TSEN2: variants seen among roughly 807,000 people sequenced by gnomAD.
TSEN2 encodes the protein tRNA-splicing endonuclease subunit Sen2.
A neutral mutation model predicts 59.2 loss-of-function variants in TSEN2; 54 were observed. The ratio of observed to expected loss-of-function variants is 0.91; its 90% CI spans 0.73 to 1.14. TSEN2 has a LOEUF of 1.14. TSEN2 is among the 50% of genes most tolerant of loss of function. The probability of loss-of-function intolerance (pLI) is 0.00; values close to 1 mark genes in which losing one functional copy is unlikely to be tolerated. For missense variants in TSEN2, 636 were observed against 576.2 expected (o/e 1.10, Z -1.06); for synonymous variants, 195 against 198.2 (o/e 0.98, Z 0.14).
chr3:12,508,377 GCACAC>G (rs1324777224), intron 6 of TSEN2, among the ~76,000 whole-genome samples: 1 of 152,204 alleles, frequency 6.6e-6, no homozygotes, highest in Non-Finnish European at 1.5e-5. Flanking sequence ...TTTTCAGGGA[GCACAC>G]CGTTAAACCT....
At chr3:12,492,324 C>T in intron 3 of TSEN2, 107 bp downstream of exon 3, 1 of 958,088 alleles carries the variant, frequency 1.0e-6, no homozygotes, top group Non-Finnish European at 1.6e-6. Context: ...GTAACATGTA[C>T]ACTGGCAGTT....
chr3:12,503,902 C>A, intron 5 of TSEN2, 118 bp downstream of exon 5: 3 of 1,370,056 alleles, frequency 2.2e-6, no homozygotes, highest in South Asian at 1.3e-5. Context: ...CCAAGGGAAG[C>A]AGCAGGCTTT....
chr3:12,522,010 AAAT>A lies in TSEN2; in HGVS notation c.1099+2822_1099+2824del, dbSNP rs925647974. ...GGCAACAGAGTGAGACTGTCTCAAA[AAAT>A]AATAATAAAAAATAAAAATAAAAAA... On this transcript the variant is annotated intron_variant, in intron 8 of 11. Transcript: ENST00000284995. Among the ~76,000 whole-genome samples, 6 of 132,854 alleles carry A rather than the reference AAAT, an allele frequency of 4.5e-5. 1 individual carries two copies. The highest frequency in any genetic ancestry group is 1.5e-4 in the Admixed American group (2 of 13,558). The allele number at this position is 132,854 out of a possible 152,430, so 87.2% of individuals were successfully genotyped here.
At chr3:12,528,961 G>A (rs1230340315) in intron 9 of TSEN2, 37 bp downstream of exon 9, 1 of 1,611,478 alleles carries the variant, frequency 6.2e-7, no homozygotes, top group Non-Finnish European at 8.5e-7. Flanking sequence ...ATGGGTTAAA[G>A]GGACACAAGG....
chr3:12,522,351 A>G (rs1052367252), intron 8 of TSEN2, among the ~76,000 whole-genome samples: 10 of 151,972 alleles, frequency 6.6e-5, no homozygotes, highest in African/African-American at 1.2e-4. Context: ...GGGACATATC[A>G]TCTAGAAACA....
chr3:12,516,947 T>C (rs1347604483), intron 7 of TSEN2, among the ~76,000 whole-genome samples: 1 of 152,134 alleles, frequency 6.6e-6, no homozygotes, highest in Non-Finnish European at 1.5e-5. Flanking sequence ...GTATTAAAAA[T>C]TAACAAAAAT....
intron 4 of TSEN2, among the ~76,000 whole-genome samples, chr3:12,502,641 T>C (rs1013655362): frequency 1.8e-4 from 28 of 151,724 alleles, no homozygotes; most frequent in African/African-American, 6.0e-4. Context: ...TTAGATAAAT[T>C]TTCATAGTTT....
At chr3:12,496,625 C>T in intron 4 of TSEN2, 71 bp downstream of exon 4, 2 of 1,506,068 alleles carry the variant, frequency 1.3e-6, no homozygotes, top group Non-Finnish European at 1.8e-6. Context: ...TAGTCTTGTC[C>T]CATGTAGCAG....
chr3:12,531,501 C>T, intron 10 of TSEN2, 69 bp from the exon 11 acceptor site: 1 of 1,020,512 alleles, frequency 9.8e-7, no homozygotes, highest in Non-Finnish European at 1.5e-6. Flanking sequence ...ACCTGCATTT[C>T]CTGCTGATGC....
chr3:12,531,324 CT>C (rs2057445221), intron 10 of TSEN2: 1 of 486,750 alleles, frequency 2.1e-6, no homozygotes, highest in Non-Finnish European at 3.7e-6. Context: ...ATTCTTAATG[CT>C]GTGTTTATAA....
chr3:12,525,664 C>A (rs890750150), intron 8 of TSEN2, among the ~76,000 whole-genome samples: 14 of 152,170 alleles, frequency 9.2e-5, no homozygotes, highest in African/African-American at 3.4e-4. Context: ...TAAAATGATC[C>A]TCCCGCGTCA....
chr3:12,534,368 G>A (rs1386810100), downstream of TSEN2, among the ~76,000 whole-genome samples: 2 of 152,220 alleles, frequency 1.3e-5, no homozygotes, highest in Non-Finnish European at 2.9e-5. Flanking sequence ...AAACTGAGTA[G>A]TGAAATGAAC....
intron 4 of TSEN2, among the ~76,000 whole-genome samples, chr3:12,500,195 G>C (rs1202308727): frequency 1.3e-5 from 2 of 152,196 alleles, no homozygotes; most frequent in African/African-American, 2.4e-5. Context: ...AACTGCTCCA[G>C]CATCTGGGAT....
chr3:12,485,383 G>A (rs1015177706), intron 1 of TSEN2, among the ~76,000 whole-genome samples: 1 of 135,748 alleles, frequency 7.4e-6, no homozygotes, highest in Non-Finnish European at 1.6e-5. Context: ...TAGAAAGTAA[G>A]AATATGCAGC....
Position 12,503,385 on chromosome 3 carries a change from T to G in TSEN2, c.432T>G (p.Asn144Lys), listed in dbSNP as rs1184807877. The G allele has an allele frequency of 6.2e-7, 1 of 1,614,198 alleles. No individual in the cohort carries two copies. Among genetic ancestry groups the G allele is most frequent in the East Asian group, 2.2e-5 (1 of 44,884 alleles). Residue 144 changes from asparagine (N) to lysine (K), a missense_variant, in exon 5 of 12, where the codon AAT (asparagine) becomes AAG (lysine). Asn to Lys is a moderately conservative substitution (Grantham distance 94). Coordinates refer to ENST00000284995, the MANE Select transcript of TSEN2 (RefSeq NM_025265.4). Reference sequence around the variant, plus strand: ...TTGAGCATCCTCCTGTGAAAAGGAATGAAGAGGCTCAAGTGCATGACAAGC... The same window carrying G: ...TTGAGCATCCTCCTGTGAAAAGGAAGGAAGAGGCTCAAGTGCATGACAAGC... ...KPLEHPPVKR[N>K]EEAQVHDKLN... is the part of the protein sequence containing the mutation.
At chr3:12,517,069 C>T (rs1031354749) in intron 7 of TSEN2, among the ~76,000 whole-genome samples, 5 of 152,132 alleles carry the variant, frequency 3.3e-5, no homozygotes, top group Admixed American at 6.5e-5. Flanking sequence ...GATAAGGGGC[C>T]GGGCCCGGTG....
chr3:12,503,586 A>G lies in TSEN2; in HGVS notation c.633A>G (p.Arg211=). 6.2e-7 allele frequency: 1 copy of G among 1,600,878 alleles called. No individual in the cohort carries two copies. The highest frequency in any genetic ancestry group is 8.5e-7 in the Non-Finnish European group (1 of 1,171,694). ...PTTESFEKSV[R]EDASPLPHVC... ...CAGAGAGCTTTGAGAAAAGCGTGCG[A>G]GAGGATGCCTCACCTCTGCCCCATG... Residue 211 remains arginine (R), a synonymous_variant, in exon 5 of 12, where the codon CGA becomes CGG. Transcript: ENST00000284995.
intron 7 of TSEN2, 22 bp from the exon 8 acceptor site, chr3:12,519,037 G>GA: frequency 6.2e-7 from 1 of 1,613,758 alleles, no homozygotes; most frequent in Non-Finnish European, 8.5e-7. Flanking sequence ...AATGCTTTTT[G>GA]TTTTTTTGTA....
chr3:12,526,130 G>A (rs1167546157), intron 8 of TSEN2, among the ~76,000 whole-genome samples: 6 of 151,952 alleles, frequency 3.9e-5, no homozygotes, highest in African/African-American at 1.5e-4. Flanking sequence ...TTTGAGCCCA[G>A]GAGTTCAAGA....
Sources: allele counts gnomAD v4.1 joint callset (sites outside exome capture counted in the v4.1 genomes callset), GRCh38; gene constraint gnomAD v4.1.1; transcripts MANE v1.5; gene names NCBI Gene and HGNC (gene_info 2026-07-23, HGNC 2026-07-21).